DMD: variants seen among roughly 807,000 people sequenced by gnomAD.
DMD encodes dystrophin.
DMD carries 63 observed loss-of-function variants against 330.1 expected under a neutral mutation model. The ratio of observed to expected loss-of-function variants is 0.19; its 90% CI spans 0.16 to 0.24. The LOEUF (loss-of-function observed/expected upper bound fraction) is 0.24, where lower values mean the gene tolerates loss of function less well. Among genes scored for constraint, DMD ranks in the 10% least tolerant of loss-of-function variants. The pLI, the probability that DMD is intolerant of heterozygous loss-of-function variation, is 1.00. For missense variants in DMD, 3,344 were observed against 2,684.1 expected (o/e 1.25, Z -5.43); for synonymous variants, 1,223 against 959.8 (o/e 1.27, Z -5.07).
chrX:32,778,258 A>T (rs2074369394), intron 7 of DMD, among the ~76,000 whole-genome samples: 1 of 109,582 alleles, frequency 9.1e-6, no homozygotes, highest in Non-Finnish European at 1.9e-5. Flanking sequence ...AAAAAAAAAA[A>T]AAATATGGAC....
intron 55 of DMD, among the ~76,000 whole-genome samples, chrX:31,576,537 G>A (rs1024778112): frequency 1.8e-5 from 2 of 109,571 alleles, no homozygotes; most frequent in African/African-American, 6.6e-5. Flanking sequence ...AACCATATAT[G>A]AAAAGTTTAG....
At chrX:33,142,859 GT>G (rs1298696795) in intron 1 of DMD, among the ~76,000 whole-genome samples, 2 of 111,945 alleles carry the variant, frequency 1.8e-5, no homozygotes, top group Non-Finnish European at 3.8e-5. Flanking sequence ...AGGCTTTTAT[GT>G]TTGTCAACTC....
At chrX:31,887,869 C>T (rs1209421152) in intron 47 of DMD, among the ~76,000 whole-genome samples, 3 of 112,363 alleles carry the variant, frequency 2.7e-5, no homozygotes, top group Non-Finnish European at 5.6e-5. Context: ...CATGATATAG[C>T]ATTTGTTAAA....
chrX:32,632,672 A>G (rs766438908), intron 11 of DMD, among the ~76,000 whole-genome samples: 1 of 106,025 alleles, frequency 9.4e-6, no homozygotes, highest in East Asian at 3.2e-4. Flanking sequence ...GCTGTGGCCC[A>G]AGCTGTACTT....
intron 2 of DMD, among the ~76,000 whole-genome samples, chrX:32,999,799 C>CAAAAACA (rs772516011): frequency 1.4e-5 from 1 of 70,799 alleles, no homozygotes; most frequent in Non-Finnish European, 2.6e-5. Flanking sequence ...AAAACAAAAA[C>CAAAAACA]AAAAAACAAA....
chrX:31,708,543 C>T (rs1314810107), intron 52 of DMD, among the ~76,000 whole-genome samples: 1 of 111,661 alleles, frequency 9.0e-6, no homozygotes, highest in Non-Finnish European at 1.9e-5. Context: ...GATCCTATGG[C>T]ATAAATAATT....
intron 64 of DMD, among the ~76,000 whole-genome samples, chrX:31,210,518 G>A (rs17329854): frequency 0.02 from 2,221 of 111,967 alleles, 21 homozygotes; most frequent in Middle Eastern, 0.041. Flanking sequence ...TTATTCCCAA[G>A]TGTCATGAAA....
intron 48 of DMD, among the ~76,000 whole-genome samples, chrX:31,855,729 TA>T (rs199506599): frequency 1.7e-4 from 19 of 109,135 alleles, no homozygotes; most frequent in East Asian, 8.6e-4. Flanking sequence ...CGTATTTTTT[TA>T]AAAAAAAACA....
chrX:33,033,398 T>C (rs759159085), intron 1 of DMD, among the ~76,000 whole-genome samples: 1 of 106,791 alleles, frequency 9.4e-6, no homozygotes, highest in South Asian at 4.3e-4. Flanking sequence ...TAGATGTGAG[T>C]GTAGGTTGGC....
In DMD at chrX:32,441,166, A is replaced by G. The variant is rs773607040; in HGVS notation, c.3921+14T>C. ...CATATAAATTATCATCATTTGGCTT[A>G]ATTTACAACTTACATCTAGCACCTC... is the stretch of plus-strand genomic sequence containing the variant. On this transcript the variant is annotated intron_variant, in intron 28 of 78. Coordinates refer to ENST00000357033, the MANE Select transcript of DMD (RefSeq NM_004006.3). The G allele has an allele frequency of 1.5e-5, 18 of 1,204,674 alleles. No homozygotes were observed. The highest frequency in any genetic ancestry group is 1.3e-5 in the Non-Finnish European group (12 of 891,222).
intron 34 of DMD, among the ~76,000 whole-genome samples, chrX:32,377,893 C>A (rs1346443645): frequency 9.0e-6 from 1 of 111,123 alleles, no homozygotes; most frequent in African/African-American, 3.3e-5. Flanking sequence ...TGCTAGACTA[C>A]TTTAGACTTC....
chrX:32,952,524 G>A (rs952249609), intron 2 of DMD, among the ~76,000 whole-genome samples: 1 of 110,881 alleles, frequency 9.0e-6, no homozygotes, highest in Non-Finnish European at 1.9e-5. Context: ...ATAACACGTC[G>A]ATTCTAAAAA....
chrX:31,227,383 C>T (rs1180536568), intron 63 of DMD, among the ~76,000 whole-genome samples: 1 of 111,514 alleles, frequency 9.0e-6, no homozygotes, highest in Non-Finnish European at 1.9e-5. Context: ...AACTATGACA[C>T]ATTCTGCCTC....
chrX:31,809,458 T>C (rs1160560129), intron 50 of DMD, among the ~76,000 whole-genome samples: 1 of 109,922 alleles, frequency 9.1e-6, no homozygotes, highest in Non-Finnish European at 1.9e-5. Context: ...TTTTTTCCTA[T>C]TGTAGGTTTA....
In DMD at chrX:31,170,993, G is replaced by T. The variant is rs956248029; in HGVS notation, c.10394+1355C>A. 1.7e-4 allele frequency among the ~76,000 whole-genome samples: 19 copies of T among 111,918 alleles called. 1 individual carries two copies. The Admixed American group carries it at 1.7e-3, about 10-fold the overall frequency. On this transcript the variant is annotated intron_variant, in intron 73 of 78. Coordinates refer to ENST00000357033, the MANE Select transcript of DMD (RefSeq NM_004006.3). The stretch of plus-strand genomic sequence containing the variant: ...GTCAATGAATGACAGCCACTGTTAC[G>T]TAGATACAACTCGAATTAATCTGAA...
chrX:31,417,884 C>T (rs6527087), intron 60 of DMD, among the ~76,000 whole-genome samples: 7,477 of 107,772 alleles, frequency 0.069, 531 homozygotes, highest in African/African-American at 0.22. Context: ...AGACGGGGTT[C>T]CACCATGTTG....
At chrX:31,716,262 G>A (rs1034018282) in intron 52 of DMD, among the ~76,000 whole-genome samples, 2 of 112,469 alleles carry the variant, frequency 1.8e-5, no homozygotes, top group African/African-American at 3.2e-5. Context: ...TTAAAAACAT[G>A]TGTTAGCGGC....
intron 43 of DMD, among the ~76,000 whole-genome samples, chrX:32,235,475 G>A (rs753248803): frequency 9.0e-6 from 1 of 111,061 alleles, no homozygotes; most frequent in Non-Finnish European, 1.9e-5. Flanking sequence ...GGATTGGTAC[G>A]GGTCTGTGGC....
chrX:33,137,056 A>G (rs1048869541), intron 1 of DMD, among the ~76,000 whole-genome samples: 1 of 111,193 alleles, frequency 9.0e-6, no homozygotes, highest in African/African-American at 3.3e-5. Flanking sequence ...ATACCTCTCT[A>G]GAAATATCCT....
Sources: gnomAD v4.1 joint callset for allele counts (sites outside exome capture counted in the v4.1 genomes callset) on GRCh38, gnomAD v4.1.1 for gene constraint, MANE v1.5 for transcripts, NCBI Gene and HGNC (gene_info 2026-07-23, HGNC 2026-07-21) for gene names.